IDE: variants seen among roughly 807,000 people sequenced by gnomAD.
The protein encoded by IDE is insulin-degrading enzyme.
IDE carries 58 observed loss-of-function variants against 133.2 expected under a neutral mutation model. The observed-to-expected ratio is 0.44, with a 90% CI of 0.35 to 0.54. The LOEUF (loss-of-function observed/expected upper bound fraction) is 0.54. IDE is among the 20% of genes least tolerant of loss of function. The probability of loss-of-function intolerance (pLI) is 0.00; values close to 1 mark genes in which losing one functional copy is unlikely to be tolerated. For synonymous variants in IDE, 396 were observed against 421.3 expected (o/e 0.94, Z 0.73); for missense variants, 981 against 1,234.0 (o/e 0.79, Z 3.07).
intron 13 of IDE, among the ~76,000 whole-genome samples, chr10:92,485,855 T>C (rs1846960337): frequency 6.6e-6 from 1 of 152,078 alleles, no homozygotes; most frequent in South Asian, 2.1e-4. Context: ...GGCCAGAAGA[T>C]GGTTTGAACC....
rs569727734 is a variant in IDE, at chr10:92,495,953, C to T, written c.1431-5358G>A. ...GCAGTGGCATGATCTTGGCTCACTGCAACCTCCGCCCCCTGGGTTCAAGCG... is the reference window on the plus strand; with the variant it reads ...GCAGTGGCATGATCTTGGCTCACTGTAACCTCCGCCCCCTGGGTTCAAGCG... On this transcript the variant is annotated intron_variant, in intron 11 of 24. Transcript: ENST00000265986. 1.1e-4 allele frequency among the ~76,000 whole-genome samples: 16 copies of T among 152,074 alleles called. No individual in the cohort carries two copies. The South Asian group carries it at 3.3e-3, about 32-fold the overall frequency.
intron 18 of IDE, among the ~76,000 whole-genome samples, 180 bp from the exon 19 acceptor site, chr10:92,469,170 A>G (rs1845838806): frequency 6.6e-6 from 1 of 152,238 alleles, no homozygotes; most frequent in Non-Finnish European, 1.5e-5. Context: ...TCAATATGGT[A>G]GTGGTGAAAG....
intron 24 of IDE, 140 bp downstream of exon 24, chr10:92,455,436 G>T: frequency 1.6e-6 from 1 of 606,378 alleles, no homozygotes; most frequent in Non-Finnish European, 3.0e-6. Context: ...AGCTGAGATC[G>T]CACCACTGCA....
At chr10:92,564,705 A>C (rs1483578853) in intron 1 of IDE, among the ~76,000 whole-genome samples, 9 of 126,052 alleles carry the variant, frequency 7.1e-5, no homozygotes, top group Non-Finnish European at 1.0e-4. Flanking sequence ...AAAAAAAAAA[A>C]AAAAACTGAA....
At chr10:92,544,766 G>T (rs896923397) in intron 1 of IDE, among the ~76,000 whole-genome samples, 1 of 152,144 alleles carries the variant, frequency 6.6e-6, no homozygotes, top group African/African-American at 2.4e-5. Context: ...GTAGTAGGGG[G>T]AGTCTGCAAT....
Position 92,470,256 on chromosome 10 carries a change from G to C in IDE, c.2206C>G (p.Gln736Glu). Reference protein sequence around the residue: ...EALLHGNITKQAALGIMQMVE... With the variant: ...EALLHGNITKEAALGIMQMVE... ...TTGCTAAAACCTCAACCACCCACCTGCTTTGTTATGTTTCCATGGAGAAGG... is the reference window on the plus strand; with the variant it reads ...TTGCTAAAACCTCAACCACCCACCTCCTTTGTTATGTTTCCATGGAGAAGG... Residue 736 changes from glutamine to glutamate, a missense_variant and splice_region_variant, in exon 18 of 25, where the codon CAG becomes GAG. Around this residue, in one of 2 missense-constraint regions of IDE, gnomAD observed 660 missense variants for 894.7 expected, o/e 0.74. Coordinates refer to ENST00000265986, the MANE Select transcript of IDE (RefSeq NM_004969.4). The C allele has an allele frequency of 6.3e-7, 1 of 1,599,178 alleles. No homozygotes were observed.
intron 4 of IDE, among the ~76,000 whole-genome samples, chr10:92,516,676 C>CT (rs1848946430): frequency 6.6e-6 from 1 of 152,070 alleles, no homozygotes; most frequent in South Asian, 2.1e-4. Flanking sequence ...TTTTTTAGAA[C>CT]TTGCCAAGTT....
At chr10:92,465,389 G>A (rs934717842) in intron 20 of IDE, among the ~76,000 whole-genome samples, 1 of 152,120 alleles carries the variant, frequency 6.6e-6, no homozygotes, top group African/African-American at 2.4e-5. Flanking sequence ...TTCTCATCTT[G>A]CTACCCATAA....
intron 1 of IDE, chr10:92,558,914 C>A (rs1336056349): frequency 6.7e-6 from 1 of 149,140 alleles, no homozygotes; most frequent in Non-Finnish European, 1.5e-5. Flanking sequence ...TATTTTAAAA[C>A]TCTTACAACT....
intron 1 of IDE, among the ~76,000 whole-genome samples, chr10:92,543,606 G>C (rs1842407778): frequency 6.6e-6 from 1 of 152,150 alleles, no homozygotes; most frequent in African/African-American, 2.4e-5. Flanking sequence ...CTGGCCCTCT[G>C]GAAAGGAGTT....
intron 11 of IDE, among the ~76,000 whole-genome samples, chr10:92,501,218 G>T (rs1226934805): frequency 6.7e-6 from 1 of 149,570 alleles, no homozygotes; most frequent in Middle Eastern, 3.3e-3. Flanking sequence ...AAAATTAGCT[G>T]GGCATTGGTG....
intron 1 of IDE, among the ~76,000 whole-genome samples, chr10:92,567,629 T>C (rs576770392): frequency 6.6e-6 from 1 of 152,328 alleles, no homozygotes; most frequent in South Asian, 2.1e-4. Flanking sequence ...TTTGCTGATA[T>C]TGTGAATTTC....
At chr10:92,565,816 C>A (rs555098410) in intron 1 of IDE, among the ~76,000 whole-genome samples, 2 of 152,192 alleles carry the variant, frequency 1.3e-5, no homozygotes, top group East Asian at 3.9e-4. Context: ...TCTAAAAAAT[C>A]TCCCTGTTTT....
chr10:92,510,747 A>G (rs1848557264), intron 5 of IDE, among the ~76,000 whole-genome samples: 3 of 148,088 alleles, frequency 2.0e-5, no homozygotes, highest in South Asian at 2.1e-4. Flanking sequence ...GAAATATAGC[A>G]CATACATCTC....
At chr10:92,465,003 G>A (rs1845598736) in intron 20 of IDE, among the ~76,000 whole-genome samples, 1 of 152,114 alleles carries the variant, frequency 6.6e-6, no homozygotes, top group Non-Finnish European at 1.5e-5. Context: ...CATTTACCAT[G>A]CTGTACTAAA....
intron 4 of IDE, among the ~76,000 whole-genome samples, chr10:92,519,235 T>C (rs1849087899): frequency 6.6e-6 from 1 of 152,190 alleles, no homozygotes; most frequent in Admixed American, 6.5e-5. Context: ...ATGGTCCAGA[T>C]GACTGCCCCC....
intron 11 of IDE, chr10:92,497,769 G>A: frequency 2.2e-6 from 2 of 919,040 alleles, no homozygotes; most frequent in African/African-American, 1.8e-5. Context: ...ACTGTTAACA[G>A]TCACAGAGAC....
At chr10:92,468,122 T>C (rs867097429) in intron 19 of IDE, among the ~76,000 whole-genome samples, 1 of 151,932 alleles carries the variant, frequency 6.6e-6, no homozygotes. Context: ...GCTTATAAAA[T>C]AGGCCTGGAA....
intron 12 of IDE, among the ~76,000 whole-genome samples, chr10:92,489,608 G>A (rs1210779184): frequency 6.6e-6 from 1 of 152,080 alleles, no homozygotes; most frequent in Non-Finnish European, 1.5e-5. Flanking sequence ...TCTTCTTTTA[G>A]GACTATTTCA....
Sources: gnomAD v4.1 joint callset for allele counts (sites outside exome capture counted in the v4.1 genomes callset) on GRCh38, gnomAD v4.1.1 for gene constraint, gnomAD v4.1.1 regional missense constraint, MANE v1.5 for transcripts, NCBI Gene and HGNC (gene_info 2026-07-23, HGNC 2026-07-21) for gene names.